Variants in MYO9B observed in about 807,000 individuals in gnomAD.
The protein encoded by MYO9B is unconventional myosin-IXb.
Under a neutral mutation model 229.5 loss-of-function variants are expected in MYO9B, and 71 were observed. The observed-to-expected ratio is 0.31, with a 90% confidence interval of 0.26 to 0.38. MYO9B has a LOEUF of 0.38. Among genes scored for constraint, MYO9B ranks in the 10% least tolerant of loss-of-function variants. The probability of loss-of-function intolerance (pLI) is 1.00; values close to 1 mark genes in which losing one functional copy is unlikely to be tolerated. For synonymous variants in MYO9B, 1,185 were observed against 1,235.8 expected, an observed-to-expected ratio of 0.96 and a Z score of 0.86; for missense variants, 2,255 against 2,920.5, an observed-to-expected ratio of 0.77 and a Z score of 5.25.
chr19:17,179,027 T>TAAAAAA (rs779765764), intron 14 of MYO9B, among the ~76,000 whole-genome samples: 2 of 96,938 alleles, frequency 2.1e-5, no homozygotes, highest in Admixed American at 1.2e-4. Flanking sequence ...CAAGACTCTG[T>TAAAAAA]AAAAAAAAAA....
intron 2 of MYO9B, among the ~76,000 whole-genome samples, chr19:17,126,386 T>A (rs1349205682): frequency 1.3e-5 from 2 of 152,146 alleles, no homozygotes; most frequent in African/African-American, 4.8e-5. Context: ...GCTGGAACCA[T>A]GTCGGGGATC....
intron 2 of MYO9B, among the ~76,000 whole-genome samples, chr19:17,141,527 A>G (rs1438557607): frequency 2.0e-5 from 3 of 151,958 alleles, no homozygotes; most frequent in African/African-American, 4.8e-5. Flanking sequence ...TCTCATCTAC[A>G]AGGCCTTACA....
chr19:17,105,114 C>T (rs1305056780), intron 2 of MYO9B, among the ~76,000 whole-genome samples: 1 of 151,986 alleles, frequency 6.6e-6, no homozygotes, highest in African/African-American at 2.4e-5. Context: ...CTGTCTTTTC[C>T]AGGCTGTCTG....
At chr19:17,137,783 G>A (rs1049365208) in intron 2 of MYO9B, among the ~76,000 whole-genome samples, 1 of 151,690 alleles carries the variant, frequency 6.6e-6, no homozygotes, top group South Asian at 2.1e-4. Context: ...TCGCTCTGTC[G>A]CCGAGGCTGG....
intron 2 of MYO9B, among the ~76,000 whole-genome samples, chr19:17,111,919 C>T (rs1160787071): frequency 1.3e-5 from 2 of 152,202 alleles, no homozygotes; most frequent in African/African-American, 4.8e-5. Context: ...CACTTGGTAT[C>T]ATGTTCTTGA....
intron 13 of MYO9B, among the ~76,000 whole-genome samples, chr19:17,173,830 T>C (rs1310651829): frequency 6.6e-6 from 1 of 152,010 alleles, no homozygotes; most frequent in Non-Finnish European, 1.5e-5. Context: ...CTCACCCAGG[T>C]CTAAGGGCTC....
rs773341167 is a variant in MYO9B at position 17,193,023 on chromosome 19, G to A, written c.3089G>A (p.Arg1030His). 52 of 1,482,936 alleles carry A rather than the reference G, an allele frequency of 3.5e-5. No individual in the cohort carries two copies. The highest frequency in any genetic ancestry group is 1.3e-4 in the Admixed American group (6 of 45,976). 91.9% of individuals were successfully genotyped at this position (1,482,936 alleles called of 1,614,324 possible). Reference protein sequence around the residue: ...LYRHQKQSIIRLQSLCRGHLQ... With the variant: ...LYRHQKQSIIHLQSLCRGHLQ... ...CGGCACCAGAAACAGAGCATCATCC[G>A]CCTGCAGAGCCTGTGTCGGGGGCAC... Residue 1030 changes from arginine (R) to histidine (H), a missense_variant, in exon 21 of 40, where the codon CGC (arginine) becomes CAC (histidine). Arg to His is a conservative substitution (Grantham distance 29, BLOSUM62 0). Transcript: ENST00000682292. The surrounding 1 kb of genome is among the most constrained non-coding windows in gnomAD (Gnocchi z 4.3).
intron 21 of MYO9B, 44 bp from the exon 22 acceptor site, chr19:17,194,512 A>T (rs755460677): frequency 3.1e-6 from 5 of 1,590,386 alleles, no homozygotes. Flanking sequence ...AGGTGGAGGG[A>T]GTGTTTGTTT....
chr19:17,104,831 C>T lies in MYO9B; in HGVS notation c.840+2274C>T, dbSNP rs565839928. On this transcript the variant is annotated intron_variant, in intron 2 of 39. Coordinates refer to ENST00000682292, the MANE Select transcript of MYO9B (RefSeq NM_004145.4). Reference sequence around the variant, plus strand: ...AGAGAGTTCCCATGTACCCCTCCCACGCCCAGGTTCTCACATTATTTATAT... The same window carrying T: ...AGAGAGTTCCCATGTACCCCTCCCATGCCCAGGTTCTCACATTATTTATAT... Among the ~76,000 whole-genome samples, 12 of 152,286 alleles carry T rather than the reference C, an allele frequency of 7.9e-5. No individual in the cohort carries two copies. In the East Asian group the frequency reaches 9.6e-4, roughly 12 times the overall value.
intron 29 of MYO9B, 26 bp downstream of exon 29, chr19:17,202,909 G>A (rs1355085984): frequency 6.3e-7 from 1 of 1,593,898 alleles, no homozygotes; most frequent in Non-Finnish European, 8.5e-7. Flanking sequence ...ATAGATGAGA[G>A]TCCGAGCAGG....
chr19:17,209,251 G>A (rs1319897113), intron 35 of MYO9B, among the ~76,000 whole-genome samples: 2 of 152,206 alleles, frequency 1.3e-5, no homozygotes, highest in Admixed American at 6.5e-5. Context: ...GGAGCCCCTG[G>A]GGCCATCTGC....
intron 13 of MYO9B, among the ~76,000 whole-genome samples, chr19:17,173,969 C>G (rs2072753524): frequency 1.3e-5 from 2 of 148,838 alleles, no homozygotes; most frequent in Non-Finnish European, 3.0e-5. Context: ...TTTGGGGATC[C>G]AAAACTTCAC....
At chr19:17,109,736 T>G (rs528037861) in intron 2 of MYO9B, among the ~76,000 whole-genome samples, 200 of 152,308 alleles carry the variant, frequency 1.3e-3, no homozygotes, top group African/African-American at 4.6e-3. Context: ...GCCGCATCAC[T>G]CTGCCCTCTC....
At chr19:17,182,496 C>T (rs555975190) in intron 15 of MYO9B, among the ~76,000 whole-genome samples, 87 of 151,800 alleles carry the variant, frequency 5.7e-4, no homozygotes, top group African/African-American at 1.9e-3. Context: ...CTCCACCTCC[C>T]GGGTTCAAGT....
chr19:17,127,996 C>T (rs543919333), intron 2 of MYO9B, among the ~76,000 whole-genome samples: 6 of 152,278 alleles, frequency 3.9e-5, no homozygotes, highest in African/African-American at 1.4e-4. Flanking sequence ...CTAATTTGCC[C>T]AAATTGCCCA....
intron 14 of MYO9B, among the ~76,000 whole-genome samples, chr19:17,176,247 A>G (rs575873055): frequency 6.6e-6 from 1 of 152,106 alleles, no homozygotes; most frequent in African/African-American, 2.4e-5. Flanking sequence ...CGTGTTGGCC[A>G]GGATGGTCTT....
intron 3 of MYO9B, chr19:17,152,442 C>A: frequency 2.2e-6 from 1 of 453,990 alleles, no homozygotes; most frequent in Non-Finnish European, 4.0e-6. Flanking sequence ...CCCTGTAGTT[C>A]CAACCAACCA....
intron 1 of MYO9B, among the ~76,000 whole-genome samples, chr19:17,099,880 G>A (rs1239355505): frequency 6.6e-6 from 1 of 151,186 alleles, no homozygotes; most frequent in Admixed American, 6.6e-5. Flanking sequence ...CACTTTGGGA[G>A]GCCGAGGAGG....
intron 38 of MYO9B, among the ~76,000 whole-genome samples, 153 bp from the exon 39 acceptor site, chr19:17,211,494 C>G (rs1273610782): frequency 6.6e-6 from 1 of 152,014 alleles, no homozygotes; most frequent in Non-Finnish European, 1.5e-5. Flanking sequence ...AGGCTGGGTT[C>G]AAACTCCTGG....
Sources: allele counts gnomAD v4.1 joint callset (sites outside exome capture counted in the v4.1 genomes callset), GRCh38; gene constraint gnomAD v4.1.1; non-coding constraint Gnocchi (gnomAD v3.1); transcripts MANE v1.5; gene names NCBI Gene and HGNC (gene_info 2026-07-23, HGNC 2026-07-21).